Variants in THSD7A observed in about 807,000 individuals in gnomAD.
THSD7A encodes the protein thrombospondin type 1 domain containing 7A, also known as thrombospondin type-1 domain-containing protein 7A.
Under a neutral mutation model 231.3 loss-of-function variants are expected in THSD7A, and 96 were observed. That is an observed-to-expected ratio of 0.41 (90% CI 0.35 to 0.49). The LOEUF is 0.49. Among genes scored for constraint, THSD7A ranks in the 20% least tolerant of loss-of-function variants. The pLI is 0.05. For synonymous variants in THSD7A, 940 were observed against 743.3 expected, an observed-to-expected ratio of 1.26 and a Z score of -4.30; for missense variants, 2,290 against 2,070.2, an observed-to-expected ratio of 1.11 and a Z score of -2.06.
chr7:11,623,385 A>G (rs1413725079), intron 2 of THSD7A, among the ~76,000 whole-genome samples: 1 of 152,088 alleles, frequency 6.6e-6, no homozygotes, highest in African/African-American at 2.4e-5. Context: ...GTGTCTCAGT[A>G]GCATCTCTTG....
At chr7:11,391,869 G>C (rs111293382) in intron 23 of THSD7A, among the ~76,000 whole-genome samples, 1 of 151,966 alleles carries the variant, frequency 6.6e-6, no homozygotes, top group Non-Finnish European at 1.5e-5. Flanking sequence ...GACCCCTTGC[G>C]CTCCCCAGGT....
chr7:11,827,446 C>A (rs1393315856), intron 1 of THSD7A, among the ~76,000 whole-genome samples: 2 of 152,116 alleles, frequency 1.3e-5, no homozygotes, highest in African/African-American at 4.8e-5. Flanking sequence ...CCTAGCCTTT[C>A]TAAACTTTTA....
intron 23 of THSD7A, among the ~76,000 whole-genome samples, chr7:11,389,934 ATGGGCCCCCACTCTC>A (rs1782917106): frequency 1.3e-5 from 2 of 152,186 alleles, no homozygotes; most frequent in South Asian, 4.1e-4. Context: ...AATGTCGAAT[ATGGGCCCCCACTCTC>A]TTCTGGCTTG....
At chr7:11,451,061 C>G (rs1490065595) in intron 11 of THSD7A, among the ~76,000 whole-genome samples, 1 of 151,988 alleles carries the variant, frequency 6.6e-6, no homozygotes, top group Non-Finnish European at 1.5e-5. Context: ...ATCAATATGA[C>G]TGATTTGTGG....
intron 1 of THSD7A, among the ~76,000 whole-genome samples, chr7:11,730,115 G>A (rs1199340322): frequency 6.6e-6 from 1 of 151,616 alleles, no homozygotes; most frequent in African/African-American, 2.4e-5. Context: ...AGATTTACCT[G>A]TTTTGTTGTG....
At chr7:11,809,349 G>A (rs1784471456) in intron 1 of THSD7A, among the ~76,000 whole-genome samples, 1 of 152,144 alleles carries the variant, frequency 6.6e-6, no homozygotes, top group Non-Finnish European at 1.5e-5. Flanking sequence ...TATTTGAACT[G>A]ATTCTTGACA....
chr7:11,746,642 T>C (rs1278841353), intron 1 of THSD7A, among the ~76,000 whole-genome samples: 1 of 151,890 alleles, frequency 6.6e-6, no homozygotes, highest in Non-Finnish European at 1.5e-5. Context: ...AGTGGTCTTC[T>C]CATCACCATA....
At chr7:11,638,150 A>T (rs1383592861) in intron 1 of THSD7A, among the ~76,000 whole-genome samples, 1 of 152,152 alleles carries the variant, frequency 6.6e-6, no homozygotes, top group Non-Finnish European at 1.5e-5. Context: ...TTTTATTCAC[A>T]TGGGGATTAT....
intron 6 of THSD7A, among the ~76,000 whole-genome samples, chr7:11,530,422 G>A (rs6964213): frequency 0.34 from 52,128 of 151,992 alleles, 9,633 homozygotes; most frequent in East Asian, 0.52. Context: ...TAAAAGAAAG[G>A]AATTAGTTAT....
At chr7:11,404,678 C>T (rs989863598) in intron 22 of THSD7A, among the ~76,000 whole-genome samples, 1 of 152,212 alleles carries the variant, frequency 6.6e-6, no homozygotes, top group South Asian at 2.1e-4. Context: ...ATTGCTGGCT[C>T]AGCAAAAGGT....
At chr7:11,776,965 T>C (rs1003650811) in intron 1 of THSD7A, among the ~76,000 whole-genome samples, 5 of 152,214 alleles carry the variant, frequency 3.3e-5, no homozygotes, top group African/African-American at 1.2e-4. Context: ...TAACATCAAC[T>C]GTAACCATTG....
At chr7:11,664,062 T>G (rs965699538) in intron 1 of THSD7A, among the ~76,000 whole-genome samples, 10 of 151,778 alleles carry the variant, frequency 6.6e-5, no homozygotes. Flanking sequence ...ACATTAAGTC[T>G]AGAATCTGAA....
intron 24 of THSD7A, among the ~76,000 whole-genome samples, chr7:11,381,783 G>A (rs927991990): frequency 6.6e-5 from 10 of 152,150 alleles, no homozygotes; most frequent in Non-Finnish European, 1.0e-4. Flanking sequence ...TTTGCTTGGT[G>A]GTTCACTACC....
chr7:11,750,824 T>C (rs908196894), intron 1 of THSD7A, among the ~76,000 whole-genome samples: 3 of 152,004 alleles, frequency 2.0e-5, no homozygotes, highest in Non-Finnish European at 4.4e-5. Context: ...AAGATACTCC[T>C]GAGGAATGAC....
intron 1 of THSD7A, among the ~76,000 whole-genome samples, chr7:11,711,062 T>C (rs556830735): frequency 1.8e-4 from 27 of 151,098 alleles, no homozygotes; most frequent in Admixed American, 4.0e-4. Context: ...TTTGTAGATA[T>C]AGCTTAGGGA....
rs1013543657 is a variant in THSD7A, at chr7:11,411,414, A to G, written c.3683-92T>C. On this transcript the variant is annotated intron_variant, in intron 18 of 27. Coordinates refer to ENST00000423059, the MANE Select transcript of THSD7A (RefSeq NM_015204.3). The surrounding 1 kb of genome is among the most constrained non-coding windows in gnomAD (Gnocchi z 4.1). ...ATGACCTGAATCCCATATTTAATTC[A>G]CAACTGCTTCCTAAGCCCCATAATC... 3.7e-6 allele frequency: 3 copies of G among 817,238 alleles called. No individual in the cohort carries two copies. The highest frequency in any genetic ancestry group is 1.7e-5 in the African/African-American group (1 of 58,622). The allele number at this position is 817,238 out of a possible 1,614,324, so 50.6% of individuals were successfully genotyped here. A position where few individuals can be genotyped will look rare whatever the true frequency, so the allele number is the denominator to read the frequency against.
At position 11,730,297 on chromosome 7, in the gene THSD7A, T is replaced by A. The variant is rs76770779; in HGVS notation, c.191-93336A>T. Among the ~76,000 whole-genome samples, 97 of 151,736 alleles carry A rather than the reference T, an allele frequency of 6.4e-4. 1 individual carries two copies. The East Asian group carries it at 0.017, about 26-fold the overall frequency. Reference sequence around the variant, plus strand: ...TAATGATTAACAAAATCGAGTAATATTCTTGTAATTTACATTTTTGTATTT... The same window carrying A: ...TAATGATTAACAAAATCGAGTAATAATCTTGTAATTTACATTTTTGTATTT... On this transcript the variant is annotated intron_variant, in intron 1 of 27. Coordinates refer to ENST00000423059, the MANE Select transcript of THSD7A (RefSeq NM_015204.3).
At chr7:11,615,363 T>C (rs201723356) in intron 2 of THSD7A, among the ~76,000 whole-genome samples, 4 of 152,128 alleles carry the variant, frequency 2.6e-5, no homozygotes, top group Non-Finnish European at 4.4e-5. Flanking sequence ...GCTGGAGCTG[T>C]CTCCTCGTGG....
At chr7:11,707,566 C>G (rs756450904) in intron 1 of THSD7A, among the ~76,000 whole-genome samples, 4 of 150,940 alleles carry the variant, frequency 2.7e-5, no homozygotes, top group South Asian at 4.1e-4. Context: ...CTCTGCAAAA[C>G]CTTGGATGTG....
Sources: gnomAD v4.1 joint callset for allele counts (sites outside exome capture counted in the v4.1 genomes callset) on GRCh38, gnomAD v4.1.1 for gene constraint, Gnocchi (gnomAD v3.1) non-coding constraint, MANE v1.5 for transcripts, NCBI Gene and HGNC (gene_info 2026-07-23, HGNC 2026-07-21) for gene names.